The following CIMAP1D variants were observed in gnomAD, a reference collection of about 807,000 sequenced individuals.
The protein encoded by CIMAP1D is CIMAP1 family member D, also known as protein CIMAP1D.
At chr19:481,991 G>A in the CIMAP1D span, among the ~76,000 whole-genome samples, 6 of 151,862 alleles carry the variant, frequency 4.0e-5, no homozygotes, top group African/African-American at 9.7e-5. Context: ...GCCCAGGCTG[G>A]TCTTTAACTC....
At chr19:486,558 A>G in the CIMAP1D span, among the ~76,000 whole-genome samples, 1 of 151,896 alleles carries the variant, frequency 6.6e-6, no homozygotes, top group Non-Finnish European at 1.5e-5. Context: ...CTCCTGCCTC[A>G]GCCTCCCAAG....
chr19:485,901 G>A, the CIMAP1D span, among the ~76,000 whole-genome samples: 3 of 152,200 alleles, frequency 2.0e-5, no homozygotes, highest in African/African-American at 7.2e-5. Context: ...ACTTCCCTGA[G>A]GCTGCTCACT....
chr19:475,139 C>A, the CIMAP1D span, among the ~76,000 whole-genome samples: 1 of 152,074 alleles, frequency 6.6e-6, no homozygotes, highest in Non-Finnish European at 1.5e-5. Flanking sequence ...GAGGGCCTGG[C>A]GGGGTCGTGG....
At chr19:484,401 A>G in the CIMAP1D span, among the ~76,000 whole-genome samples, 7 of 151,938 alleles carry the variant, frequency 4.6e-5, no homozygotes, top group Admixed American at 6.5e-5. Context: ...TTGGCCTCCT[A>G]AAGTGCTGGG....
chr19:463,806 G>A, the CIMAP1D span: 74 of 1,470,008 alleles, frequency 5.0e-5, no homozygotes, highest in Non-Finnish European at 5.5e-5. Context: ...GGAGAGGCCC[G>A]CCAGCCCCCC....
the CIMAP1D span, among the ~76,000 whole-genome samples, chr19:468,392 G>C: frequency 6.6e-6 from 1 of 152,020 alleles, no homozygotes; most frequent in Non-Finnish European, 1.5e-5. Context: ...TGCACATAAA[G>C]AGTGACAAGA....
At chr19:474,029 C>G in the CIMAP1D span, among the ~76,000 whole-genome samples, 1 of 151,890 alleles carries the variant, frequency 6.6e-6, no homozygotes, top group Non-Finnish European at 1.5e-5. Flanking sequence ...GATGGGGAGA[C>G]TGAGGCCTGA....
chr19:481,720 T>A, the CIMAP1D span, among the ~76,000 whole-genome samples: 1 of 151,858 alleles, frequency 6.6e-6, no homozygotes, highest in Non-Finnish European at 1.5e-5. Context: ...GCCAGAAAGT[T>A]GATCACCCAC....
chr19:463,698 G>T, the CIMAP1D span: 3 of 1,158,312 alleles, frequency 2.6e-6, no homozygotes, highest in South Asian at 4.6e-5. Flanking sequence ...GAAGGATCAG[G>T]TGTCCTAGAA....
the CIMAP1D span, chr19:474,851 C>T: frequency 1.1e-5 from 11 of 994,386 alleles, no homozygotes; most frequent in Admixed American, 3.8e-5. Flanking sequence ...CCCACCTTCA[C>T]GGCCTCACCA....
the CIMAP1D span, chr19:464,206 A>C: frequency 1.3e-6 from 2 of 1,515,830 alleles, no homozygotes; most frequent in South Asian, 2.5e-5. Context: ...TGTGAGCCCC[A>C]CAGAGGGGGC....
At chr19:485,644 G>A in the CIMAP1D span, among the ~76,000 whole-genome samples, 4 of 152,238 alleles carry the variant, frequency 2.6e-5, no homozygotes, top group African/African-American at 9.6e-5. Context: ...CGGGAGGGCA[G>A]GTGTGAGCCA....
the CIMAP1D span, among the ~76,000 whole-genome samples, chr19:471,777 C>G: frequency 5.3e-4 from 80 of 150,594 alleles, no homozygotes; most frequent in Admixed American, 4.6e-3. Flanking sequence ...GAGTCTCACT[C>G]TGTCGCCCAG....
the CIMAP1D span, among the ~76,000 whole-genome samples, chr19:482,681 G>A: frequency 6.6e-6 from 1 of 152,092 alleles, no homozygotes; most frequent in South Asian, 2.1e-4. Context: ...GCCACCCCAC[G>A]AGCTGTTCCA....
chr19:463,575 C>G, the CIMAP1D span: 3 of 529,166 alleles, frequency 5.7e-6, no homozygotes, highest in South Asian at 2.7e-5. Context: ...GAAGGTGTCC[C>G]TTTCCCCACC....
the CIMAP1D span, among the ~76,000 whole-genome samples, chr19:483,712 G>A: frequency 6.6e-6 from 1 of 152,208 alleles, no homozygotes; most frequent in Non-Finnish European, 1.5e-5. Flanking sequence ...AGACCCTGCA[G>A]CAGAGAGCCA....
At chr19:491,374 G>T in the CIMAP1D span, among the ~76,000 whole-genome samples, 1 of 152,190 alleles carries the variant, frequency 6.6e-6, no homozygotes, top group Non-Finnish European at 1.5e-5. Flanking sequence ...CGGCGAGGGC[G>T]GTTCATAGAC....
the CIMAP1D span, chr19:490,217 G>A: frequency 6.4e-6 from 2 of 311,450 alleles, no homozygotes; most frequent in Non-Finnish European, 1.2e-5. Context: ...TTAGCCGGGC[G>A]TGGTGGCGCA....
the CIMAP1D span, chr19:467,722 C>T: frequency 6.2e-7 from 1 of 1,610,790 alleles, no homozygotes; most frequent in Non-Finnish European, 8.5e-7. Flanking sequence ...CTTTGGGGTC[C>T]AAGAAGTAGA....
Sources: gnomAD v4.1 joint callset for allele counts (sites outside exome capture counted in the v4.1 genomes callset) on GRCh38, gnomAD v4.1.1 for gene constraint, MANE v1.5 for transcripts, NCBI Gene and HGNC (gene_info 2026-07-23, HGNC 2026-07-21) for gene names.